The following HUWE1 variants were observed in gnomAD, a reference collection of about 807,000 sequenced individuals.
HUWE1 encodes the protein HECT, UBA and WWE domain containing E3 ubiquitin protein ligase 1, also known as E3 ubiquitin-protein ligase HUWE1.
In HUWE1, 18 loss-of-function variants were observed where a neutral mutation model predicts 299.4. The observed-to-expected ratio is 0.06, with a 90% confidence interval of 0.04 to 0.09. The LOEUF is 0.09. HUWE1 is among the 10% of genes least tolerant of loss of function. The probability of loss-of-function intolerance (pLI) is 1.00; values close to 1 mark genes in which losing one functional copy is unlikely to be tolerated. For missense variants in HUWE1, 1,832 were observed against 3,462.3 expected (o/e 0.53, Z 11.82); for synonymous variants, 1,317 against 1,286.1 (o/e 1.02, Z -0.51).
intron 3 of HUWE1, among the ~76,000 whole-genome samples, chrX:53,667,307 T>C (rs1557047942): frequency 8.9e-6 from 1 of 111,884 alleles, no homozygotes; most frequent in African/African-American, 3.2e-5. Context: ...TCTAGAAAAA[T>C]ATATACAGTT....
chrX:53,670,733 C>T (rs2069482463), intron 3 of HUWE1, among the ~76,000 whole-genome samples: 1 of 111,690 alleles, frequency 9.0e-6, no homozygotes, highest in African/African-American at 3.3e-5. Context: ...GCCTGGACTC[C>T]AGATTGGGTT....
chrX:53,640,200 A>C (rs368040017), intron 7 of HUWE1, among the ~76,000 whole-genome samples: 7 of 111,855 alleles, frequency 6.3e-5, no homozygotes, highest in African/African-American at 2.3e-4. Flanking sequence ...CTCTACAAAA[A>C]ATATAAAAAA....
intron 4 of HUWE1, among the ~76,000 whole-genome samples, chrX:53,651,774 C>T (rs2068490769): frequency 9.0e-6 from 1 of 111,042 alleles, no homozygotes; most frequent in Admixed American, 9.6e-5. Context: ...ATTTTATACC[C>T]ACTGAGCAGC....
rs1021584123 is a variant in HUWE1, at chrX:53,556,660, C to T, written c.8206+722G>A. 3.6e-5 allele frequency among the ~76,000 whole-genome samples: 4 copies of T among 110,982 alleles called. No individual in the cohort carries two copies. The East Asian group carries it at 1.1e-3, about 31-fold the overall frequency. Reference sequence around the variant, plus strand: ...ACATACGGCAGTCATACCACTAAGCCCAGAGAGCTACCTTCATGAACAGCA... The same window carrying T: ...ACATACGGCAGTCATACCACTAAGCTCAGAGAGCTACCTTCATGAACAGCA... On this transcript the variant is annotated intron_variant, in intron 60 of 83. Transcript: ENST00000262854.
intron 7 of HUWE1, among the ~76,000 whole-genome samples, chrX:53,640,740 T>C (rs781874805): frequency 1.2e-4 from 14 of 112,035 alleles, no homozygotes; most frequent in Middle Eastern, 4.2e-3. Context: ...TAAGCAGTCC[T>C]TTCTGTGGTA....
At chrX:53,534,892 C>G (rs1313948450) in intron 81 of HUWE1, among the ~76,000 whole-genome samples, 195 bp from the exon 82 acceptor site, 1 of 109,921 alleles carries the variant, frequency 9.1e-6, no homozygotes, top group East Asian at 2.8e-4. Flanking sequence ...TCCCAAAGTG[C>G]TAGGATTACA....
At chrX:53,541,903 G>A (rs782602161) in intron 74 of HUWE1, among the ~76,000 whole-genome samples, 14 of 111,846 alleles carry the variant, frequency 1.3e-4, no homozygotes, top group African/African-American at 3.9e-4. Context: ...ATGCTGGGCT[G>A]GGCGCAGTGG....
intron 60 of HUWE1, 21 bp from the exon 61 acceptor site, chrX:53,554,941 A>G (rs370683895): frequency 1.8e-6 from 2 of 1,136,596 alleles, no homozygotes; most frequent in African/African-American, 3.6e-5. Context: ...AAGAACAATA[A>G]TAGTGGTTAA....
intron 7 of HUWE1, 56 bp from the exon 8 acceptor site, chrX:53,634,354 T>C: frequency 1.2e-6 from 1 of 854,131 alleles, no homozygotes; most frequent in Admixed American, 2.2e-5. Context: ...TTTGCGCCAC[T>C]GCACTCCAGC....
At chrX:53,544,926 C>T (rs782596863) in intron 71 of HUWE1, 103 bp downstream of exon 71, 101 of 1,020,113 alleles carry the variant, frequency 9.9e-5, no homozygotes, top group East Asian at 5.0e-4. Flanking sequence ...AGGAAAGATA[C>T]GAAAATCACC....
At position 53,594,600 on chromosome X, in the gene HUWE1, T is replaced by C. The variant is rs2064348890; in HGVS notation, c.3402A>G (p.Ser1134=). ...PRFRLTFFIC[S]VGFTSPMLFD... ...ACAGCATTGGGGATGTGAAACCAAC[T>C]GAACAGATGAAGAATGTCAGCCTGA... is the stretch of plus-strand genomic sequence containing the variant. The change falls in exon 31 of 84, where the codon TCA becomes TCG. Residue 1134 remains serine, a synonymous_variant. Coordinates refer to ENST00000262854, the MANE Select transcript of HUWE1 (RefSeq NM_031407.7). The C allele has an allele frequency of 8.3e-7, 1 of 1,210,134 alleles. No individual in the cohort carries two copies. The highest frequency in any genetic ancestry group is 1.8e-5 in the South Asian group (1 of 56,809).
rs781962529 is a variant in HUWE1 at position 53,538,697 on chromosome X, T to TAC, written c.11878+136_11878+137dup. On this transcript the variant is annotated intron_variant, in intron 76 of 83. Transcript: ENST00000262854. ...GTTTACGTGCACGGGTGTGTGTATGTACACACACACACACACACACACACA... is the reference window on the plus strand; with the variant it reads ...GTTTACGTGCACGGGTGTGTGTATGTACACACACACACACACACACACACACA... 1.3e-3 allele frequency: 583 copies of TAC among 434,238 alleles called. 4 individuals carry two copies. The African/African-American group carries it at 0.014, about 11-fold the overall frequency. The allele number at this position is 434,238 out of a possible 1,213,427, so 35.8% of individuals were successfully genotyped here.
intron 60 of HUWE1, chrX:53,556,333 C>T (rs781949614): frequency 1.2e-5 from 4 of 345,277 alleles, no homozygotes; most frequent in South Asian, 7.8e-5. Flanking sequence ...CTGGCATGAG[C>T]AGAATCCTCT....
chrX:53,607,940 C>G (rs1252214160), intron 24 of HUWE1, among the ~76,000 whole-genome samples: 1 of 111,611 alleles, frequency 9.0e-6, no homozygotes, highest in Non-Finnish European at 1.9e-5. Flanking sequence ...TTCGAGATAA[C>G]AGAGAAGTTA....
chrX:53,553,299 C>A (rs1556931090), intron 61 of HUWE1, among the ~76,000 whole-genome samples: 1 of 109,125 alleles, frequency 9.2e-6, no homozygotes, highest in African/African-American at 3.3e-5. Flanking sequence ...CCTGCTACCA[C>A]GCCCGGCCAG....
At chrX:53,547,464 A>G (rs2061590636) in intron 68 of HUWE1, among the ~76,000 whole-genome samples, 1 of 111,551 alleles carries the variant, frequency 9.0e-6, no homozygotes, top group African/African-American at 3.3e-5. Flanking sequence ...GAGAGAGAGA[A>G]AGAGAGAGAC....
In HUWE1 at chrX:53,550,122, G is replaced by A. The variant is rs782643287; in HGVS notation, c.9488+544C>T. On this transcript the variant is annotated intron_variant, in intron 66 of 83. Coordinates refer to ENST00000262854, the MANE Select transcript of HUWE1 (RefSeq NM_031407.7). The stretch of plus-strand genomic sequence containing the variant: ...TTAAGTGACTTGCCCTACATCACAC[G>A]GCGACTGAGAAGACAGCAGAGATTC... 3.6e-5 allele frequency among the ~76,000 whole-genome samples: 4 copies of A among 111,157 alleles called. No homozygotes were observed. In the East Asian group the frequency reaches 8.5e-4, roughly 24 times the overall value.
At position 53,628,639 on chromosome X, in the gene HUWE1, G is replaced by A; in HGVS notation, c.1115-19C>T. ...GAAGGATCTACAAGGGAGGTGGGGA[G>A]AGGGAGAACAAAAACAAGCTCAAAA... On this transcript the variant is annotated intron_variant, in intron 14 of 83. Transcript: ENST00000262854. 1 of 1,189,175 alleles carries A rather than the reference G, an allele frequency of 8.4e-7. No individual in the cohort carries two copies. Among genetic ancestry groups the A allele is most frequent in the Non-Finnish European group, 1.1e-6 (1 of 883,428 alleles).
intron 29 of HUWE1, among the ~76,000 whole-genome samples, chrX:53,598,604 T>TAGA (rs2148561041): frequency 8.9e-6 from 1 of 112,095 alleles, no homozygotes; most frequent in East Asian, 2.8e-4. Flanking sequence ...TCTAGCTTAC[T>TAGA]TTAAGAATAC....
Sources: allele counts gnomAD v4.1 joint callset (sites outside exome capture counted in the v4.1 genomes callset), GRCh38; gene constraint gnomAD v4.1.1; transcripts MANE v1.5; gene names NCBI Gene and HGNC (gene_info 2026-07-23, HGNC 2026-07-21).